The following NEK4 variants were observed in gnomAD, a reference collection of about 807,000 sequenced individuals.
The protein encoded by NEK4 is NIMA related kinase 4.
NEK4 carries 86 observed loss-of-function variants against 98.4 expected under a neutral mutation model. The ratio of observed to expected loss-of-function variants is 0.87; its 90% CI spans 0.73 to 1.05. The LOEUF (loss-of-function observed/expected upper bound fraction) is 1.05. NEK4 is among the 50% of genes least tolerant of loss of function. The pLI, the probability that NEK4 is intolerant of heterozygous loss-of-function variation, is 0.00. For missense variants in NEK4, 898 were observed against 950.3 expected, an observed-to-expected ratio of 0.94 and a Z score of 0.72; for synonymous variants, 328 against 342.2, an observed-to-expected ratio of 0.96 and a Z score of 0.46.
intron 8 of NEK4, among the ~76,000 whole-genome samples, chr3:52,748,726 C>A (rs530119863): frequency 1.3e-5 from 2 of 152,298 alleles, no homozygotes; most frequent in South Asian, 4.2e-4. Context: ...TATTGTATTA[C>A]TATTTCAGGA....
At chr3:52,712,552 G>C (rs938901732) in intron 15 of NEK4, among the ~76,000 whole-genome samples, 1 of 152,350 alleles carries the variant, frequency 6.6e-6, no homozygotes, top group African/African-American at 2.4e-5. Context: ...TTGTATCCCA[G>C]GGTTCTTGCC....
In NEK4 at chr3:52,710,622, TGTG is replaced by T. The variant is rs972475284; in HGVS notation, c.*1152_*1154del. The T allele has an allele frequency of 6.6e-6, 1 of 151,852 alleles. No homozygotes were observed. The highest frequency in any genetic ancestry group is 2.1e-4 in the South Asian group (1 of 4,816). 9.4% of individuals were successfully genotyped at this position (151,852 alleles called of 1,614,324 possible). A position where few individuals can be genotyped will look rare whatever the true frequency, so the allele number is the denominator to read the frequency against. ...ACAAAAAATACAAAAACTAGCCAGGTGTGGTGGCACACGCCTGTGGTCTCAGCT... is the reference window on the plus strand; with the variant it reads ...ACAAAAAATACAAAAACTAGCCAGGTGTGGCACACGCCTGTGGTCTCAGCT... On this transcript the variant is annotated 3_prime_UTR_variant, in exon 16 of 16. Coordinates refer to ENST00000233027, the MANE Select transcript of NEK4 (RefSeq NM_003157.6).
intron 1 of NEK4, among the ~76,000 whole-genome samples, chr3:52,768,917 G>T (rs1167795947): frequency 6.6e-6 from 1 of 152,132 alleles, no homozygotes; most frequent in East Asian, 1.9e-4. Context: ...TAAAACCTGT[G>T]TTAGCAATTC....
chr3:52,718,171 T>C (rs2097356908), intron 15 of NEK4, among the ~76,000 whole-genome samples: 1 of 152,030 alleles, frequency 6.6e-6, no homozygotes, highest in Non-Finnish European at 1.5e-5. Flanking sequence ...TACTTAGCTC[T>C]TTAGAAATAC....
intron 6 of NEK4, among the ~76,000 whole-genome samples, chr3:52,753,196 T>A (rs1217520234): frequency 2.6e-5 from 4 of 151,438 alleles, no homozygotes; most frequent in Non-Finnish European, 5.9e-5. Context: ...CCCAGCTACT[T>A]GGAAGCCTGA....
At chr3:52,728,377 C>T (rs2097366507) in intron 15 of NEK4, among the ~76,000 whole-genome samples, 1 of 152,218 alleles carries the variant, frequency 6.6e-6, no homozygotes, top group Non-Finnish European at 1.5e-5. Flanking sequence ...AACAGAGGGA[C>T]TGACTGGAGC....
intron 15 of NEK4, among the ~76,000 whole-genome samples, chr3:52,723,132 G>A (rs1290896191): frequency 6.6e-6 from 1 of 152,062 alleles, no homozygotes; most frequent in East Asian, 1.9e-4. Flanking sequence ...TTGTGCCCAG[G>A]AGTTTGAGGC....
At position 52,746,139 on chromosome 3, in the gene NEK4, T is replaced by C; in HGVS notation, c.1749A>G (p.Gln583=). The C allele has an allele frequency of 2.5e-6, 4 of 1,614,150 alleles. No homozygotes were observed. The highest frequency in any genetic ancestry group is 3.4e-6 in the Non-Finnish European group (4 of 1,180,002). The change falls in exon 10 of 16, where the codon CAA becomes CAG. Residue 583 remains glutamine (Q), a synonymous_variant. Transcript: ENST00000233027. ...IVGKVDVTST[Q]KEAENQRRVV... is the part of the protein sequence containing the mutation. ...CTCTACGTTGGTTTTCAGCCTCTTT[T>C]TGTGTTGATGTGACATCCACTTTCC...
chr3:52,761,208 A>G (rs2268025), intron 5 of NEK4, among the ~76,000 whole-genome samples: 1 of 152,058 alleles, frequency 6.6e-6, no homozygotes, highest in Non-Finnish European at 1.5e-5. Context: ...GGAACAGAAA[A>G]GAGACATTAG....
At chr3:52,733,586 T>C (rs1293656133) in intron 15 of NEK4, 11 of 513,584 alleles carry the variant, frequency 2.1e-5, no homozygotes, top group Non-Finnish European at 4.3e-5. Flanking sequence ...TAATTCATAG[T>C]ACAGAGAAGC....
chr3:52,725,832 CA>C (rs2154102482), intron 15 of NEK4, among the ~76,000 whole-genome samples: 1 of 151,844 alleles, frequency 6.6e-6, no homozygotes, highest in Non-Finnish European at 1.5e-5. Flanking sequence ...ATAATGCATA[CA>C]GAACATAAAT....
chr3:52,766,350 T>A lies in NEK4; in HGVS notation c.386A>T (p.His129Leu), dbSNP rs1475385541. The A allele has an allele frequency of 6.2e-7, 1 of 1,613,612 alleles. No individual in the cohort carries two copies. The highest frequency in any genetic ancestry group is 8.5e-7 in the Non-Finnish European group (1 of 1,179,512). Residue 129 changes from histidine (H) to leucine (L), a missense_variant, in exon 3 of 16, where the codon CAT becomes CTT. His to Leu is a moderately conservative substitution (Grantham distance 99). Transcript: ENST00000233027. ...GACATTTTGAGTTTTCAGATCTCGA[T>A]GAAGGATGTGTTTTTCATGTAAATA... ...LQYLHEKHIL[H>L]RDLKTQNVFL... is the part of the protein sequence containing the mutation.
intron 9 of NEK4, 28 bp downstream of exon 9, chr3:52,746,706 C>G: frequency 1.3e-6 from 2 of 1,566,548 alleles, no homozygotes; most frequent in Non-Finnish European, 1.7e-6. Context: ...CCAAAGTCCA[C>G]CTCCCAAACC....
chr3:52,768,530 G>C lies in NEK4; in HGVS notation c.168C>G (p.Leu56=), dbSNP rs886436274. Residue 56 remains leucine, a synonymous_variant, in exon 2 of 16, where the codon CTC becomes CTG. Coordinates refer to ENST00000233027, the MANE Select transcript of NEK4 (RefSeq NM_003157.6). ...ERRAAEQEAQ[L]LSQLKHPNIV... is the part of the protein sequence containing the mutation. ...TGTTGGGATGCTTCAACTGAGACAA[G>C]AGCTGGGCTTCCTGTTCAGCAGCTC... 2 of 1,614,098 alleles carry C rather than the reference G, an allele frequency of 1.2e-6. No homozygotes were observed. Among genetic ancestry groups the C allele is most frequent in the African/African-American group, 1.3e-5 (1 of 74,928 alleles).
intron 15 of NEK4, among the ~76,000 whole-genome samples, chr3:52,719,397 A>C (rs1364715011): frequency 6.6e-6 from 1 of 152,120 alleles, no homozygotes. Context: ...CAGCCTGACC[A>C]ATATGGTGAA....
At position 52,741,443 on chromosome 3, in the gene NEK4, T is replaced by C. The variant is rs1282152954; in HGVS notation, c.2061A>G (p.Ser687=). ...CGTAATCCCCATCTGACTTATCAGT[T>C]GAACTTGTAGAAGAACTTAACTCAT... ...SEDELSSSTS[S]TDKSDGDYGE... Residue 687 remains serine (S), a synonymous_variant, in exon 13 of 16, where the codon TCA becomes TCG. Coordinates refer to ENST00000233027, the MANE Select transcript of NEK4 (RefSeq NM_003157.6). The C allele has an allele frequency of 6.2e-7, 1 of 1,610,264 alleles. No individual in the cohort carries two copies. Among genetic ancestry groups the C allele is most frequent in the Non-Finnish European group, 8.5e-7 (1 of 1,176,688 alleles).
intron 15 of NEK4, among the ~76,000 whole-genome samples, chr3:52,736,477 T>G (rs2097376106): frequency 6.6e-6 from 1 of 151,680 alleles, no homozygotes; most frequent in South Asian, 2.1e-4. Flanking sequence ...TCCCAGCTAC[T>G]CGGGAGGCTG....
intron 15 of NEK4, 90 bp from the exon 16 acceptor site, chr3:52,711,959 A>T: frequency 1.4e-6 from 1 of 699,678 alleles, no homozygotes; most frequent in Non-Finnish European, 2.5e-6. Context: ...TAAGCATGGT[A>T]TCCAAGGTGG....
intron 15 of NEK4, chr3:52,732,627 T>C (rs555149571): frequency 1.0e-4 from 33 of 316,112 alleles, no homozygotes; most frequent in African/African-American, 7.4e-4. Flanking sequence ...CAGAATTCTC[T>C]CAGGAGGAGT....
Sources: allele counts gnomAD v4.1 joint callset (sites outside exome capture counted in the v4.1 genomes callset), GRCh38; gene constraint gnomAD v4.1.1; transcripts MANE v1.5; gene names NCBI Gene and HGNC (gene_info 2026-07-23, HGNC 2026-07-21).